Variants in ADGRB3 observed in about 807,000 individuals in gnomAD.
ADGRB3 encodes the protein brain-specific angiogenesis inhibitor 3.
Under a neutral mutation model 193.4 loss-of-function variants are expected in ADGRB3, and 37 were observed. That is an observed-to-expected ratio of 0.19 (90% CI 0.15 to 0.25). The LOEUF (loss-of-function observed/expected upper bound fraction) is 0.25, where lower values mean the gene tolerates loss of function less well. Ranked by LOEUF, ADGRB3 falls within the 10% of genes least tolerant of loss-of-function variation. The pLI is 1.00. For missense variants in ADGRB3, 1,637 were observed against 1,852.9 expected, an observed-to-expected ratio of 0.88 and a Z score of 2.14; for synonymous variants, 690 against 644.2, an observed-to-expected ratio of 1.07 and a Z score of -1.08.
At chr6:69,204,320 C>T (rs763356363) in intron 17 of ADGRB3, among the ~76,000 whole-genome samples, 2 of 151,898 alleles carry the variant, frequency 1.3e-5, no homozygotes, top group African/African-American at 2.4e-5. Context: ...CTAATAAAAA[C>T]GATTATGTTG....
chr6:68,865,404 C>T (rs545298290), intron 3 of ADGRB3, among the ~76,000 whole-genome samples: 18 of 152,256 alleles, frequency 1.2e-4, no homozygotes, highest in African/African-American at 3.4e-4. Flanking sequence ...TTTCTTGCCT[C>T]ACCTCTCTCT....
At chr6:68,781,928 G>C (rs927236486) in intron 3 of ADGRB3, among the ~76,000 whole-genome samples, 1 of 152,040 alleles carries the variant, frequency 6.6e-6, no homozygotes, top group Non-Finnish European at 1.5e-5. Flanking sequence ...ATAAACCTCA[G>C]TTCAAATGTG....
chr6:69,102,105 G>A (rs1446646260), intron 17 of ADGRB3, among the ~76,000 whole-genome samples: 2 of 150,192 alleles, frequency 1.3e-5, no homozygotes, highest in Non-Finnish European at 2.9e-5. Context: ...GTGAACCCGG[G>A]AGGCGGAGTT....
intron 3 of ADGRB3, among the ~76,000 whole-genome samples, chr6:68,665,182 C>T (rs1768771209): frequency 6.6e-6 from 1 of 151,426 alleles, no homozygotes; most frequent in Admixed American, 6.6e-5. Context: ...TCTCGGTGCT[C>T]TACACGTTCA....
intron 17 of ADGRB3, among the ~76,000 whole-genome samples, chr6:69,184,958 T>A (rs967642038): frequency 2.0e-5 from 3 of 152,118 alleles, no homozygotes; most frequent in African/African-American, 7.2e-5. Context: ...TGACAGTGAT[T>A]GCTTTAAATT....
At chr6:68,853,989 T>C (rs1768457925) in intron 3 of ADGRB3, among the ~76,000 whole-genome samples, 1 of 152,210 alleles carries the variant, frequency 6.6e-6, no homozygotes, top group South Asian at 2.1e-4. Context: ...ATCATCTTAA[T>C]TCTTAATTCT....
chr6:68,830,230 C>G (rs1216797750), intron 3 of ADGRB3, among the ~76,000 whole-genome samples: 1 of 152,088 alleles, frequency 6.6e-6, no homozygotes, highest in East Asian at 1.9e-4. Flanking sequence ...GGTATCAGAT[C>G]TGGAAATATC....
At chr6:69,037,645 T>TTCTCTCTCTCTCTC (rs377348716) in intron 13 of ADGRB3, among the ~76,000 whole-genome samples, 4 of 149,518 alleles carry the variant, frequency 2.7e-5, no homozygotes, top group African/African-American at 9.8e-5. Context: ...GGTGTTGTTG[T>TTCTCTCTCTCTCTC]TCTCTCTCTC....
intron 10 of ADGRB3, among the ~76,000 whole-genome samples, chr6:68,983,932 A>G (rs1582371268): frequency 6.6e-6 from 1 of 152,336 alleles, no homozygotes; most frequent in South Asian, 2.1e-4. Flanking sequence ...ATAAACATGT[A>G]AACGGTAGAG....
chr6:68,984,254 G>T (rs1434708101), intron 10 of ADGRB3, among the ~76,000 whole-genome samples: 4 of 152,164 alleles, frequency 2.6e-5, no homozygotes, highest in Non-Finnish European at 5.9e-5. Context: ...GAAACCTGCT[G>T]CAGTAATCCA....
intron 25 of ADGRB3, 86 bp from the exon 26 acceptor site, chr6:69,339,247 A>G (rs1768921503): frequency 6.7e-7 from 1 of 1,486,058 alleles, no homozygotes; most frequent in South Asian, 1.3e-5. Flanking sequence ...GGAACCACAT[A>G]CAAAAATGCT....
chr6:69,069,132 A>G (rs887483600), intron 16 of ADGRB3, among the ~76,000 whole-genome samples: 1 of 152,142 alleles, frequency 6.6e-6, no homozygotes, highest in Non-Finnish European at 1.5e-5. Flanking sequence ...AGCTCCTTCT[A>G]AGTATCATTT....
intron 17 of ADGRB3, among the ~76,000 whole-genome samples, chr6:69,081,281 C>A (rs1054920550): frequency 6.6e-6 from 1 of 151,840 alleles, no homozygotes; most frequent in African/African-American, 2.4e-5. Context: ...AAATACTAGA[C>A]CTTTACATTA....
chr6:68,989,718 T>C (rs909974643), intron 10 of ADGRB3, among the ~76,000 whole-genome samples: 2 of 152,238 alleles, frequency 1.3e-5, no homozygotes, highest in African/African-American at 4.8e-5. Context: ...TAAATCTAGG[T>C]TTTATTATTA....
intron 15 of ADGRB3, among the ~76,000 whole-genome samples, chr6:69,061,682 G>A (rs190459382): frequency 1.0e-5 from 1 of 96,374 alleles, no homozygotes; most frequent in Admixed American, 1.3e-4. Context: ...TCAATAAATT[G>A]TGCTGTATTT....
Position 68,703,216 on chromosome 6 carries a change from G to A in ADGRB3, c.757+63784G>A, listed in dbSNP as rs181180841. ...CATAATGTTGAACAAATTAAATTTT[G>A]TGGATTTCAAAACAATCTTTTTTAT... On this transcript the variant is annotated intron_variant, in intron 3 of 31. Coordinates refer to ENST00000370598, the MANE Select transcript of ADGRB3 (RefSeq NM_001704.3). Among the ~76,000 whole-genome samples, 11 of 152,194 alleles carry A rather than the reference G, an allele frequency of 7.2e-5. No homozygotes were observed. In the Middle Eastern group the frequency reaches 0.01, roughly 141 times the overall value.
chr6:69,174,476 T>C (rs895054647), intron 17 of ADGRB3, among the ~76,000 whole-genome samples: 1 of 152,224 alleles, frequency 6.6e-6, no homozygotes, highest in South Asian at 2.1e-4. Context: ...TGTATGCATA[T>C]GACATTTTTT....
intron 3 of ADGRB3, among the ~76,000 whole-genome samples, chr6:68,762,209 C>T (rs1045993882): frequency 7.9e-5 from 12 of 152,230 alleles, no homozygotes; most frequent in Middle Eastern, 3.4e-3. Flanking sequence ...TCAATCCCTT[C>T]TCTTTTCCCC....
intron 3 of ADGRB3, among the ~76,000 whole-genome samples, chr6:68,807,684 A>G (rs1472856597): frequency 6.6e-6 from 1 of 152,162 alleles, no homozygotes; most frequent in Non-Finnish European, 1.5e-5. Flanking sequence ...TTACAGATAT[A>G]CTTATTTCAA....
Sources: gnomAD v4.1 joint callset for allele counts (sites outside exome capture counted in the v4.1 genomes callset) on GRCh38, gnomAD v4.1.1 for gene constraint, MANE v1.5 for transcripts, NCBI Gene and HGNC (gene_info 2026-07-23, HGNC 2026-07-21) for gene names.